CALN1: variants seen among roughly 807,000 people sequenced by gnomAD.
CALN1 encodes calneuron 1.
In CALN1, 17 loss-of-function variants were observed where a neutral mutation model predicts 30.6. That is an observed-to-expected ratio of 0.56 (90% CI 0.38 to 0.83). The LOEUF (loss-of-function observed/expected upper bound fraction) is 0.83. CALN1 is among the 40% of genes least tolerant of loss of function. The pLI, the probability that CALN1 is intolerant of heterozygous loss-of-function variation, is 0.00. For synonymous variants in CALN1, 156 were observed against 131.4 expected, an observed-to-expected ratio of 1.19 and a Z score of -1.28; for missense variants, 291 against 354.9, an observed-to-expected ratio of 0.82 and a Z score of 1.45.
At chr7:72,264,660 C>T (rs1015814052) in intron 3 of CALN1, among the ~76,000 whole-genome samples, 7 of 152,116 alleles carry the variant, frequency 4.6e-5, no homozygotes, top group Non-Finnish European at 1.0e-4. Context: ...AAGCACCACA[C>T]CCAGCTGATT....
chr7:72,102,191 T>C (rs556739013), intron 4 of CALN1, among the ~76,000 whole-genome samples: 2 of 152,100 alleles, frequency 1.3e-5, no homozygotes, highest in Non-Finnish European at 2.9e-5. Context: ...ATGCCTGTAA[T>C]CCCAGCACTT....
chr7:72,115,457 A>C (rs1807910304), intron 3 of CALN1, among the ~76,000 whole-genome samples: 1 of 148,276 alleles, frequency 6.7e-6, no homozygotes, highest in South Asian at 2.1e-4. Flanking sequence ...CAGTTCAGTA[A>C]TGATAAATAC....
At chr7:72,060,758 G>T (rs1347579301) in intron 4 of CALN1, among the ~76,000 whole-genome samples, 1 of 152,044 alleles carries the variant, frequency 6.6e-6, no homozygotes, top group Non-Finnish European at 1.5e-5. Context: ...AGAAGAGTCT[G>T]GGATCTCCCC....
intron 3 of CALN1, among the ~76,000 whole-genome samples, chr7:72,145,685 C>A (rs1335447535): frequency 1.3e-5 from 2 of 152,176 alleles, no homozygotes; most frequent in East Asian, 3.8e-4. Context: ...GAATTTTAGA[C>A]CAATATCCCG....
chr7:71,927,161 G>A (rs960470149), intron 5 of CALN1, among the ~76,000 whole-genome samples: 1 of 152,128 alleles, frequency 6.6e-6, no homozygotes, highest in African/African-American at 2.4e-5. Flanking sequence ...TCTGGGTTTA[G>A]CCTTTGTTGT....
chr7:71,942,224 G>C (rs186195867), intron 5 of CALN1: 1 of 181,096 alleles, frequency 5.5e-6, no homozygotes, highest in East Asian at 1.7e-4. Context: ...AAACAGAACA[G>C]TCAACTGACT....
chr7:72,011,739 G>A (rs767915027), intron 5 of CALN1, among the ~76,000 whole-genome samples: 1 of 152,072 alleles, frequency 6.6e-6, no homozygotes, highest in Non-Finnish European at 1.5e-5. Context: ...GCAGTGGCAC[G>A]ATCCTAGTGA....
rs1789302566 is a variant in CALN1, at chr7:71,831,885, AAAAAAAAAAAAAC to A, written c.502-21406_502-21394del. On this transcript the variant is annotated intron_variant, in intron 5 of 6. Coordinates refer to ENST00000395275, the MANE Select transcript of CALN1 (RefSeq NM_031468.4). ...AAACCCTGCCTCAAAAAAAAAAAAA[AAAAAAAAAAAAAC>A]AAACCAAAAACAAGAAAACTAAATA... is the stretch of plus-strand genomic sequence containing the variant. Among the ~76,000 whole-genome samples the A allele has an allele frequency of 8.7e-5, 13 of 149,790 alleles. 2 individuals are homozygous for A. The South Asian group carries it at 2.7e-3, about 32-fold the overall frequency.
At chr7:72,373,609 G>A (rs927690818) in intron 2 of CALN1, among the ~76,000 whole-genome samples, 1 of 152,152 alleles carries the variant, frequency 6.6e-6, no homozygotes, top group Admixed American at 6.5e-5. Flanking sequence ...GTTTTCTGAA[G>A]ATATTTTAGG....
chr7:72,381,513 G>T (rs540724070), intron 2 of CALN1, among the ~76,000 whole-genome samples: 1 of 152,178 alleles, frequency 6.6e-6, no homozygotes, highest in Non-Finnish European at 1.5e-5. Context: ...CCATAAAAAA[G>T]AATGAGTTCA....
intron 3 of CALN1, among the ~76,000 whole-genome samples, chr7:72,247,958 C>CT (rs1385796610): frequency 6.6e-6 from 1 of 152,192 alleles, no homozygotes; most frequent in Non-Finnish European, 1.5e-5. Context: ...AATCACACTA[C>CT]TGCACTCCAG....
At chr7:72,232,419 C>T (rs773742642) in intron 3 of CALN1, among the ~76,000 whole-genome samples, 2 of 152,114 alleles carry the variant, frequency 1.3e-5, no homozygotes, top group African/African-American at 2.4e-5. Context: ...AAGTTATTGT[C>T]ACTTCATGCA....
chr7:72,209,799 C>G lies in CALN1; in HGVS notation c.244+68887G>C, dbSNP rs11979918. On this transcript the variant is annotated intron_variant, in intron 3 of 6. Transcript: ENST00000395275. ...CAGAGAAATGGAATCCTACATGGCCCTTTGTCTCTGGATTCTCTCTCAAGC... is the reference window on the plus strand; with the variant it reads ...CAGAGAAATGGAATCCTACATGGCCGTTTGTCTCTGGATTCTCTCTCAAGC... Among the ~76,000 whole-genome samples, 386 of 152,166 alleles carry G rather than the reference C, an allele frequency of 2.5e-3. 2 individuals are homozygous for G. Among genetic ancestry groups the G allele is most frequent in the African/African-American group, 8.8e-3 (366 of 41,526 alleles).
At chr7:72,039,799 C>G (rs557774592) in intron 4 of CALN1, among the ~76,000 whole-genome samples, 10 of 152,156 alleles carry the variant, frequency 6.6e-5, no homozygotes, top group African/African-American at 2.4e-4. Flanking sequence ...CTGAAGGTCT[C>G]TCCCTCCTCT....
intron 1 of CALN1, among the ~76,000 whole-genome samples, chr7:72,434,724 C>G (rs1428177293): frequency 6.6e-6 from 1 of 152,200 alleles, no homozygotes; most frequent in African/African-American, 2.4e-5. Flanking sequence ...GGACTAAGGA[C>G]TAAAAGCATG....
rs1807563450 is a variant in CALN1 at position 72,420,284 on chromosome 7, G to A, written c.-225-8009C>T. Among the ~76,000 whole-genome samples the A allele has an allele frequency of 2.0e-5, 3 of 152,058 alleles. No homozygotes were observed. In the South Asian group the frequency reaches 6.2e-4, roughly 32 times the overall value. On this transcript the variant is annotated intron_variant, in intron 1 of 6. Coordinates refer to the CALN1 transcript ENST00000395276. ...ATAAGATTGAGGCACGATCTAAAGT[G>A]GTCCATCCTGCCTTGGCTGGAGCCC...
intron 3 of CALN1, among the ~76,000 whole-genome samples, chr7:72,258,852 A>C (rs2129552637): frequency 6.6e-6 from 1 of 151,834 alleles, no homozygotes; most frequent in East Asian, 1.9e-4. Flanking sequence ...CAGGAGTTCG[A>C]GAGCAGCCTG....
chr7:72,323,025 C>CA (rs1347012820), intron 2 of CALN1, among the ~76,000 whole-genome samples: 1 of 132,624 alleles, frequency 7.5e-6, no homozygotes, highest in African/African-American at 2.8e-5. Context: ...GGAAGGCACG[C>CA]AAAAAAACCA....
At chr7:72,233,619 T>C (rs1364225637) in intron 3 of CALN1, among the ~76,000 whole-genome samples, 2 of 151,968 alleles carry the variant, frequency 1.3e-5, no homozygotes, top group African/African-American at 4.8e-5. Flanking sequence ...CTTGGAGGGC[T>C]GAGGCAGGAG....
Sources: allele counts gnomAD v4.1 joint callset (sites outside exome capture counted in the v4.1 genomes callset), GRCh38; gene constraint gnomAD v4.1.1; transcripts MANE v1.5; gene names NCBI Gene and HGNC (gene_info 2026-07-23, HGNC 2026-07-21).